Variants in KAT6A observed in about 807,000 individuals in gnomAD.
KAT6A encodes histone acetyltransferase KAT6A.
Under a neutral mutation model 198.4 loss-of-function variants are expected in KAT6A, and 9 were observed. The ratio of observed to expected loss-of-function variants is 0.05; its 90% CI spans 0.03 to 0.08. KAT6A has a LOEUF of 0.08. Ranked by LOEUF, KAT6A falls within the 10% of genes least tolerant of loss-of-function variation. The pLI, the probability that KAT6A is intolerant of heterozygous loss-of-function variation, is 1.00. For synonymous variants in KAT6A, 890 were observed against 883.0 expected (o/e 1.01, Z -0.14); for missense variants, 2,077 against 2,509.9 (o/e 0.83, Z 3.69).
At chr8:41,982,128 A>G (rs1824386695) in intron 3 of KAT6A, among the ~76,000 whole-genome samples, 174 bp from the exon 4 acceptor site, 1 of 152,106 alleles carries the variant, frequency 6.6e-6, no homozygotes, top group Non-Finnish European at 1.5e-5. Context: ...TGGCACCACA[A>G]TTCAGTTTTA....
At chr8:41,988,254 A>G (rs1343867292) in intron 2 of KAT6A, among the ~76,000 whole-genome samples, 4 of 152,216 alleles carry the variant, frequency 2.6e-5, no homozygotes, top group Non-Finnish European at 5.9e-5. Flanking sequence ...GGTAAGGCCA[A>G]TGCTTAAAGC....
rs1342910293 is a variant in KAT6A at position 41,941,583 on chromosome 8, A to G, written c.2437-139T>C. ...GAAAATGATCAGTTATTTAACATGG[A>G]TATTTCCTGTTTCAGCACTGCTTTA... On this transcript the variant is annotated intron_variant, in intron 14 of 16. Transcript: ENST00000265713. The G allele has an allele frequency of 3.5e-6, 3 of 849,836 alleles. No homozygotes were observed. The African/African-American group carries it at 5.1e-5, about 14-fold the overall frequency. The allele number at this position is 849,836 out of a possible 1,614,324, so 52.6% of individuals were successfully genotyped here.
At chr8:42,041,965 G>A (rs1263444161) in intron 2 of KAT6A, among the ~76,000 whole-genome samples, 1 of 151,906 alleles carries the variant, frequency 6.6e-6, no homozygotes, top group Non-Finnish European at 1.5e-5. Flanking sequence ...TTAATAGCAT[G>A]GACAACTATT....
chr8:41,948,340 G>A (rs774643207), intron 10 of KAT6A, among the ~76,000 whole-genome samples: 20 of 152,198 alleles, frequency 1.3e-4, no homozygotes, highest in Admixed American at 5.2e-4. Context: ...TATGCCAGCT[G>A]CCTGAAGCAA....
At chr8:42,003,370 G>A (rs904890564) in intron 2 of KAT6A, among the ~76,000 whole-genome samples, 1 of 152,026 alleles carries the variant, frequency 6.6e-6, no homozygotes, top group Non-Finnish European at 1.5e-5. Flanking sequence ...AAGCAATCAG[G>A]CAGCGGGCCT....
chr8:41,997,342 G>C (rs1257295066), intron 2 of KAT6A, among the ~76,000 whole-genome samples: 1 of 151,752 alleles, frequency 6.6e-6, no homozygotes, highest in Non-Finnish European at 1.5e-5. Flanking sequence ...AACCATTCCT[G>C]TGGAACCCTA....
chr8:42,021,877 G>C (rs1439508321), intron 2 of KAT6A, among the ~76,000 whole-genome samples: 1 of 152,228 alleles, frequency 6.6e-6, no homozygotes, highest in Non-Finnish European at 1.5e-5. Flanking sequence ...GCAGTGAGCA[G>C]AGATCGTGCC....
chr8:41,933,232 G>A lies in KAT6A; in HGVS notation c.4988C>T (p.Pro1663Leu), dbSNP rs755968563. ...PPPPQQPQPPPPQPQPAPQPP... is the reference protein window; with the variant it reads ...PPPPQQPQPPLPQPQPAPQPP... ...CTGTGGTGCTGGTTGTGGTTGTGGC[G>A]GCGGCGGCTGTGGCTGCTGTGGAGG... Residue 1663 changes from proline (P) to leucine (L), a missense_variant, in exon 17 of 17, where the codon CCG (proline) becomes CTG (leucine). Coordinates refer to ENST00000265713, the MANE Select transcript of KAT6A (RefSeq NM_006766.5). This position sits in a 1 kb window ranked among gnomAD's most constrained non-coding sequence, Gnocchi z 6.2. The A allele has an allele frequency of 3.5e-5, 54 of 1,550,318 alleles. No individual in the cohort carries two copies. Among genetic ancestry groups the A allele is most frequent in the South Asian group, 1.4e-4 (12 of 85,600 alleles).
intron 2 of KAT6A, among the ~76,000 whole-genome samples, chr8:42,004,157 TC>T (rs1483621753): frequency 6.6e-6 from 1 of 152,178 alleles, no homozygotes; most frequent in Non-Finnish European, 1.5e-5. Context: ...TAAAACTAGC[TC>T]CCTGCTGCTG....
At chr8:41,960,804 C>T (rs960427518) in intron 8 of KAT6A, among the ~76,000 whole-genome samples, 2 of 152,090 alleles carry the variant, frequency 1.3e-5, no homozygotes, top group African/African-American at 4.8e-5. Context: ...TTCCACTCTC[C>T]CCACACCCTC....
At chr8:41,936,880 G>A (rs1220677954) in intron 16 of KAT6A, among the ~76,000 whole-genome samples, 5 of 152,308 alleles carry the variant, frequency 3.3e-5, no homozygotes, top group Non-Finnish European at 7.3e-5. Context: ...ATACAGCAAT[G>A]AGCAAAACAG....
Position 41,934,648 on chromosome 8 carries a change from G to C in KAT6A, c.3572C>G (p.Pro1191Arg), listed in dbSNP as rs1374730143. The change falls in exon 17 of 17, where the codon CCC becomes CGC. Residue 1191 changes from proline (P) to arginine (R), a missense_variant. Physicochemically the swap from Pro to Arg is moderately radical, Grantham distance 103 (BLOSUM62 -2). Transcript: ENST00000265713. ...PVSTQACVIEPIVSIPKAGRK... is the reference protein window; with the variant it reads ...PVSTQACVIERIVSIPKAGRK... Reference sequence around the variant, plus strand: ...TCCAGCTTTAGGAATGGAAACGATGGGCTCAATGACGCATGCTTGAGTAGA... The same window carrying C: ...TCCAGCTTTAGGAATGGAAACGATGCGCTCAATGACGCATGCTTGAGTAGA... 1 of 1,613,996 alleles carries C rather than the reference G, an allele frequency of 6.2e-7. No individual in the cohort carries two copies. Among genetic ancestry groups the C allele is most frequent in the African/African-American group, 1.3e-5 (1 of 74,878 alleles).
In KAT6A at chr8:42,040,140, A is replaced by G. The variant is rs180691353; in HGVS notation, c.600+8238T>C. Among the ~76,000 whole-genome samples the G allele has an allele frequency of 3.1e-3, 474 of 152,178 alleles. 2 individuals are homozygous for G. The highest frequency in any genetic ancestry group is 5.0e-3 in the Non-Finnish European group (339 of 68,014). On this transcript the variant is annotated intron_variant, in intron 2 of 16. Coordinates refer to ENST00000265713, the MANE Select transcript of KAT6A (RefSeq NM_006766.5). Reference sequence around the variant, plus strand: ...CATATAGAATTCTTTTGAGACTTCAATAAGAAAGTACATGTTAAAACACTT... The same window carrying G: ...CATATAGAATTCTTTTGAGACTTCAGTAAGAAAGTACATGTTAAAACACTT...
intron 9 of KAT6A, among the ~76,000 whole-genome samples, chr8:41,950,330 G>A (rs962817640): frequency 6.6e-6 from 1 of 152,144 alleles, no homozygotes; most frequent in Non-Finnish European, 1.5e-5. Context: ...AGCACTAAAT[G>A]TATTAACTAA....
In KAT6A at chr8:42,006,099, A is replaced by G. The variant is rs117810811; in HGVS notation, c.601-18536T>C. On this transcript the variant is annotated intron_variant, in intron 2 of 16. Coordinates refer to ENST00000265713, the MANE Select transcript of KAT6A (RefSeq NM_006766.5). ...CCATCAAATAACAATTACCTTATTA[A>G]TACCTAATATACACCCACCACTTTG... is the stretch of plus-strand genomic sequence containing the variant. 8.4e-3 allele frequency among the ~76,000 whole-genome samples: 1,276 copies of G among 152,372 alleles called. 4 individuals carry two copies. The highest frequency in any genetic ancestry group is 0.027 in the Middle Eastern group (8 of 294).
rs1821742307 is a variant in KAT6A at position 41,934,422 on chromosome 8, C to T, written c.3798G>A (p.Lys1266=). 6.2e-7 allele frequency: 1 copy of T among 1,610,782 alleles called. No individual in the cohort carries two copies. The highest frequency in any genetic ancestry group is 1.7e-5 in the Admixed American group (1 of 58,988). The change falls in exon 17 of 17, where the codon AAG becomes AAA. Residue 1266 remains lysine, a synonymous_variant. Transcript: ENST00000265713. ...CTTCTTCCTCCTCCACCTCAGGCTC[C>T]TTGGTTTCGGTCTCAGGACTATTGC... ...DSSNSPETET[K]EPEVEEEEEK... is the part of the protein sequence containing the mutation.
At chr8:41,986,047 TA>T (rs1824585589) in intron 3 of KAT6A, among the ~76,000 whole-genome samples, 1 of 152,166 alleles carries the variant, frequency 6.6e-6, no homozygotes, top group Non-Finnish European at 1.5e-5. Flanking sequence ...TTCAAGCAAT[TA>T]TCCTGCCTCA....
At chr8:41,957,525 C>CA in intron 8 of KAT6A, 1 of 305,876 alleles carries the variant, frequency 3.3e-6, no homozygotes, top group Non-Finnish European at 6.5e-6. Context: ...TCCAAAGCAG[C>CA]AGGTGTCTAA....
At chr8:42,017,802 G>A (rs1312095777) in intron 2 of KAT6A, among the ~76,000 whole-genome samples, 1 of 152,194 alleles carries the variant, frequency 6.6e-6, no homozygotes, top group Non-Finnish European at 1.5e-5. Context: ...TCAGACAAAA[G>A]TAGAGAGGGA....
Sources: allele counts gnomAD v4.1 joint callset (sites outside exome capture counted in the v4.1 genomes callset), GRCh38; gene constraint gnomAD v4.1.1; non-coding constraint Gnocchi (gnomAD v3.1); transcripts MANE v1.5; gene names NCBI Gene and HGNC (gene_info 2026-07-23, HGNC 2026-07-21).